Variants in PHF19 observed in about 807,000 individuals in gnomAD.
PHF19 encodes the protein PHD finger protein 19.
In PHF19, 21 loss-of-function variants were observed where a neutral mutation model predicts 79.8. The observed-to-expected ratio is 0.26, with a 90% CI of 0.19 to 0.38. The LOEUF (loss-of-function observed/expected upper bound fraction) is 0.38. Ranked by LOEUF, PHF19 falls within the 10% of genes least tolerant of loss-of-function variation. PHF19 has a pLI of 1.00. For synonymous variants in PHF19, 273 were observed against 296.3 expected, an observed-to-expected ratio of 0.92 and a Z score of 0.81; for missense variants, 445 against 744.2, an observed-to-expected ratio of 0.60 and a Z score of 4.68.
chr9:120,900,228 C>T, the PHF19 span, among the ~76,000 whole-genome samples: 1 of 152,142 alleles, frequency 6.6e-6, no homozygotes, highest in African/African-American at 2.4e-5. Flanking sequence ...CTCAGGTTAT[C>T]TGCCCACCTC....
At chr9:120,864,838 G>A (rs1016983051) in intron 9 of PHF19, among the ~76,000 whole-genome samples, 2 of 152,056 alleles carry the variant, frequency 1.3e-5, no homozygotes, top group African/African-American at 4.8e-5. Flanking sequence ...GAAAGGAAAT[G>A]TACCCATGCA....
chr9:120,870,615 C>T lies in PHF19; in HGVS notation c.269-77G>A, dbSNP rs2045867795. On this transcript the variant is annotated intron_variant, in intron 3 of 14. Transcript: ENST00000373896. The surrounding 1 kb of genome is among the most constrained non-coding windows in gnomAD (Gnocchi z 4.4). ...TATACTCACATTCCAGATGCCCAGC[C>T]TCTAATGTCTGCTAGGCCTAGCGCT... 2.3e-6 allele frequency: 2 copies of T among 869,814 alleles called. No individual in the cohort carries two copies. The highest frequency in any genetic ancestry group is 1.7e-5 in the Admixed American group (1 of 57,792). 53.9% of individuals were successfully genotyped at this position (869,814 alleles called of 1,614,324 possible).
At chr9:120,858,570 C>G (rs1222732593) in intron 14 of PHF19, among the ~76,000 whole-genome samples, 4 of 152,038 alleles carry the variant, frequency 2.6e-5, no homozygotes, top group African/African-American at 9.7e-5. Flanking sequence ...AGTGGCAGAG[C>G]CAGGATTCAA....
Position 120,869,134 on chromosome 9 carries a change from C to T in PHF19, c.614+48G>A, listed in dbSNP as rs1464308763. The T allele has an allele frequency of 6.4e-7, 1 of 1,562,612 alleles. No individual in the cohort carries two copies. Among genetic ancestry groups the T allele is most frequent in the South Asian group, 1.2e-5 (1 of 85,166 alleles). On this transcript the variant is annotated intron_variant, in intron 6 of 14. Coordinates refer to ENST00000373896, the MANE Select transcript of PHF19 (RefSeq NM_015651.3). The surrounding 1 kb of genome is among the most constrained non-coding windows in gnomAD (Gnocchi z 5.8). The stretch of plus-strand genomic sequence containing the variant: ...CTATGGGCGGTCCCTGCTGGCGATT[C>T]TTGGAGACCTGCCCTGCCGCCCGGG...
intron 1 of PHF19, chr9:120,876,852 G>T (rs183659765): frequency 3.2e-6 from 1 of 309,038 alleles, no homozygotes; most frequent in East Asian, 1.7e-4. Flanking sequence ...TAAAGATCGG[G>T]GGCGAGGAAG....
At chr9:120,867,136 C>G (rs1211366426) in intron 6 of PHF19, among the ~76,000 whole-genome samples, 171 bp from the exon 7 acceptor site, 2 of 152,242 alleles carry the variant, frequency 1.3e-5, no homozygotes, top group Non-Finnish European at 2.9e-5. Context: ...GACATATACT[C>G]TCATTTCACC....
At chr9:120,884,305 A>G (rs889091827) in intron 1 of PHF19, among the ~76,000 whole-genome samples, 1 of 152,252 alleles carries the variant, frequency 6.6e-6, no homozygotes, top group Non-Finnish European at 1.5e-5. Flanking sequence ...TTTATTAATG[A>G]ACTCCAGTAT....
At chr9:120,872,932 T>C (rs1194593496) in intron 3 of PHF19, among the ~76,000 whole-genome samples, 2 of 152,130 alleles carry the variant, frequency 1.3e-5, no homozygotes, top group African/African-American at 4.8e-5. Context: ...GGTAACAAAT[T>C]CTTGAGTAAC....
upstream of PHF19, chr9:120,877,301 C>T (rs2046095054): frequency 3.1e-6 from 3 of 965,864 alleles, no homozygotes; most frequent in African/African-American, 5.3e-5. Flanking sequence ...AGGAAGGGGC[C>T]CCCCGGGCGC....
rs774078703 is a variant in PHF19, at chr9:120,869,187, G to A, written c.609C>T (p.Pro203=). 3.1e-6 allele frequency: 5 copies of A among 1,608,078 alleles called. No individual in the cohort carries two copies. The highest frequency in any genetic ancestry group is 2.2e-5 in the South Asian group (2 of 90,126). ...GCCCTGACCCCCTGCCTTACTCTCCGGGCCCGCCGCAGTAGCAGTAGCATT... is the reference window on the plus strand; with the variant it reads ...GCCCTGACCCCCTGCCTTACTCTCCAGGCCCGCCGCAGTAGCAGTAGCATT... The part of the protein sequence containing the change: ...QQQCYCYCGG[P]GEWYLRMLQC... The change falls in exon 6 of 15, where the codon CCC becomes CCT. Residue 203 remains proline, a synonymous_variant. Transcript: ENST00000373896. This position sits in a 1 kb window ranked among gnomAD's most constrained non-coding sequence, Gnocchi z 5.8.
At chr9:120,897,456 C>T (rs529568697), upstream of PHF19, among the ~76,000 whole-genome samples, 4 of 152,304 alleles carry the variant, frequency 2.6e-5, no homozygotes, top group East Asian at 7.7e-4. Flanking sequence ...AGCTTGGTTT[C>T]AGGTCACATG....
chr9:120,869,710 G>C lies in PHF19; in HGVS notation c.465+135C>G. Reference sequence around the variant, plus strand: ...TCTACAAATCCTGGCCAAGGACAGTGGCAGAGGCGCTATCTGTCTCCAAAG... The same window carrying C: ...TCTACAAATCCTGGCCAAGGACAGTCGCAGAGGCGCTATCTGTCTCCAAAG... On this transcript the variant is annotated intron_variant, in intron 5 of 14. Coordinates refer to ENST00000373896, the MANE Select transcript of PHF19 (RefSeq NM_015651.3). The surrounding 1 kb of genome is among the most constrained non-coding windows in gnomAD (Gnocchi z 5.8). The C allele has an allele frequency of 1.3e-6, 2 of 1,556,206 alleles. No individual in the cohort carries two copies. The highest frequency in any genetic ancestry group is 1.7e-6 in the Non-Finnish European group (2 of 1,149,256).
intron 3 of PHF19, among the ~76,000 whole-genome samples, chr9:120,872,974 G>A (rs1239080565): frequency 6.6e-6 from 1 of 152,136 alleles, no homozygotes; most frequent in Admixed American, 6.5e-5. Flanking sequence ...ACTGAGCTAA[G>A]CATTTTACAT....
At chr9:120,867,979 G>A (rs1167842324) in intron 6 of PHF19, among the ~76,000 whole-genome samples, 1 of 152,232 alleles carries the variant, frequency 6.6e-6, no homozygotes, top group Non-Finnish European at 1.5e-5. Context: ...CGCAGAGCCA[G>A]GACAAGAATT....
upstream of PHF19, among the ~76,000 whole-genome samples, chr9:120,878,382 G>A (rs757562934): frequency 6.6e-6 from 1 of 152,146 alleles, no homozygotes; most frequent in East Asian, 1.9e-4. Flanking sequence ...AAGGGAGGAA[G>A]AACACTTACC....
chr9:120,877,079 C>T lies in PHF19; in HGVS notation c.-16+12G>A. On this transcript the variant is annotated intron_variant, in intron 1 of 14. Coordinates refer to ENST00000373896, the MANE Select transcript of PHF19 (RefSeq NM_015651.3). ...GCGTGGCGGGGAGTCCGCCCAACAG[C>T]GCAGAACTCACCGCGAGGCTGCGTG... 1.0e-6 allele frequency: 1 copy of T among 985,356 alleles called. No homozygotes were observed. The highest frequency in any genetic ancestry group is 1.2e-6 in the Non-Finnish European group (1 of 829,926). The allele number at this position is 985,356 out of a possible 1,614,324, so 61.0% of individuals were successfully genotyped here.
Position 120,869,415 on chromosome 9 carries a change from C to T in PHF19, c.466-85G>A. On this transcript the variant is annotated intron_variant, in intron 5 of 14. Coordinates refer to ENST00000373896, the MANE Select transcript of PHF19 (RefSeq NM_015651.3). This position sits in a 1 kb window ranked among gnomAD's most constrained non-coding sequence, Gnocchi z 5.8. Reference sequence around the variant, plus strand: ...ACGCGGCTGTCTATTGAGGGAAGTGCTGCCAGGGCTTGGGGGACCCGCAGA... The same window carrying T: ...ACGCGGCTGTCTATTGAGGGAAGTGTTGCCAGGGCTTGGGGGACCCGCAGA... 6.8e-7 allele frequency: 1 copy of T among 1,469,216 alleles called. No homozygotes were observed. The allele number at this position is 1,469,216 out of a possible 1,614,324, so 91.0% of individuals were successfully genotyped here.
At chr9:120,868,748 C>T in intron 6 of PHF19, 1 of 779,886 alleles carries the variant, frequency 1.3e-6, no homozygotes, top group Non-Finnish European at 1.6e-6. Context: ...GTTCCCGAGG[C>T]CTTACTATTC....
chr9:120,862,870 G>A lies in PHF19; in HGVS notation c.969-121C>T. On this transcript the variant is annotated intron_variant, in intron 10 of 14. Transcript: ENST00000373896. This position sits in a 1 kb window ranked among gnomAD's most constrained non-coding sequence, Gnocchi z 4.6. ...TGGACCCAGAGCTAAAATCCGGATG[G>A]TCTCTGCAGATGCTGACTTCCTCAA... 1 of 934,286 alleles carries A rather than the reference G, an allele frequency of 1.1e-6. No individual in the cohort carries two copies. Among genetic ancestry groups the A allele is most frequent in the South Asian group, 1.5e-5 (1 of 67,460 alleles). 57.9% of individuals were successfully genotyped at this position (934,286 alleles called of 1,614,324 possible).
Sources: allele counts gnomAD v4.1 joint callset (sites outside exome capture counted in the v4.1 genomes callset), GRCh38; gene constraint gnomAD v4.1.1; non-coding constraint Gnocchi (gnomAD v3.1); transcripts MANE v1.5; gene names NCBI Gene and HGNC (gene_info 2026-07-23, HGNC 2026-07-21).